Variants in MICAL3 observed in about 807,000 individuals in gnomAD.
The protein encoded by MICAL3 is [F-actin]-monooxygenase MICAL3.
Under a neutral mutation model 207.4 loss-of-function variants are expected in MICAL3, and 62 were observed. The ratio of observed to expected loss-of-function variants is 0.30; its 90% CI spans 0.24 to 0.37. MICAL3 has a LOEUF of 0.37. Among genes scored for constraint, MICAL3 ranks in the 10% least tolerant of loss-of-function variants. MICAL3 has a pLI of 1.00. For missense variants in MICAL3, 2,368 were observed against 2,635.6 expected, an observed-to-expected ratio of 0.90 and a Z score of 2.22; for synonymous variants, 1,077 against 1,069.3, an observed-to-expected ratio of 1.01 and a Z score of -0.14.
chr22:17,791,450 A>G (rs542466236), intron 29 of MICAL3, 149 bp from the exon 30 acceptor site: 4 of 699,200 alleles, frequency 5.7e-6, no homozygotes, highest in Non-Finnish European at 9.9e-6. Context: ...GCCTGCAGCC[A>G]TGGGGCCCTG....
At chr22:17,980,812 C>G in intron 1 of MICAL3, 5 of 497,630 alleles carry the variant, frequency 1.0e-5, no homozygotes, top group Admixed American at 9.8e-5. Flanking sequence ...TCCTCTGCCT[C>G]AGCCTCGCCC....
rs780325465 is a variant in MICAL3 at position 17,904,792 on chromosome 22, G to T, written c.312C>A (p.Asp104Glu). ...AGPCGLRTAI[D>E]LSLLGAKVVV... ...CCACCTTGGCCCCCAGTAAGGATAA[G>T]TCGATGGCTGTACGGAGACCACAGG... The change falls in exon 3 of 32, where the codon GAC becomes GAA. Residue 104 changes from aspartate to glutamate, a missense_variant. Physicochemically the swap from Asp to Glu is conservative, Grantham distance 45. Around this residue, in one of 4 missense-constraint regions of MICAL3, gnomAD observed 400 missense variants for 547.0 expected, o/e 0.73. Coordinates refer to ENST00000441493, the MANE Select transcript of MICAL3 (RefSeq NM_015241.3). 6.2e-7 allele frequency: 1 copy of T among 1,614,014 alleles called. No homozygotes were observed.
At chr22:17,915,085 AAC>A (rs2090415165) in intron 1 of MICAL3, among the ~76,000 whole-genome samples, 1 of 146,346 alleles carries the variant, frequency 6.8e-6, no homozygotes, top group South Asian at 2.4e-4. Flanking sequence ...GATGTGGGAA[AAC>A]ACAACCAAAG....
At chr22:17,989,004 T>C (rs1465675447) in intron 1 of MICAL3, among the ~76,000 whole-genome samples, 9 of 152,112 alleles carry the variant, frequency 5.9e-5, no homozygotes, top group Non-Finnish European at 1.0e-4. Context: ...GAAACAAATT[T>C]GCTGACTCCT....
chr22:17,906,636 G>A lies in MICAL3; in HGVS notation c.177C>T (p.Tyr59=). The change falls in exon 2 of 32, where the codon TAC becomes TAT. Residue 59 remains tyrosine, a synonymous_variant. Coordinates refer to ENST00000441493, the MANE Select transcript of MICAL3 (RefSeq NM_015241.3). ...FYHKLKSKLN[Y]WKAKALWAKL... is the part of the protein sequence containing the mutation. Reference sequence around the variant, plus strand: ...TTGCCCAGAGGGCTTTGGCTTTCCAGTAGTTAAGCTTGGACTTGAGCTTGT... The same window carrying A: ...TTGCCCAGAGGGCTTTGGCTTTCCAATAGTTAAGCTTGGACTTGAGCTTGT... 6.2e-7 allele frequency: 1 copy of A among 1,613,998 alleles called. No individual in the cohort carries two copies. The highest frequency in any genetic ancestry group is 8.5e-7 in the Non-Finnish European group (1 of 1,179,878).
intron 16 of MICAL3, among the ~76,000 whole-genome samples, chr22:17,882,112 C>G (rs541577677): frequency 3.8e-4 from 58 of 152,302 alleles, no homozygotes; most frequent in Non-Finnish European, 6.0e-4. Context: ...GCTCAGAGCT[C>G]CCATGACAAT....
chr22:17,953,819 T>C (rs1475699465), intron 1 of MICAL3, among the ~76,000 whole-genome samples: 2 of 150,520 alleles, frequency 1.3e-5, no homozygotes, highest in Non-Finnish European at 3.0e-5. Flanking sequence ...TAATCCTAGC[T>C]ATTTGAGAGG....
chr22:17,998,646 C>T (rs1922590340), intron 1 of MICAL3, among the ~76,000 whole-genome samples: 1 of 151,686 alleles, frequency 6.6e-6, no homozygotes, highest in African/African-American at 2.4e-5. Context: ...ACCTCCACCT[C>T]CCAATTCCCG....
chr22:17,818,317 C>G lies in MICAL3; in HGVS notation c.4344G>C (p.Ser1448=). The change falls in exon 26 of 32, where the codon TCG becomes TCC. Residue 1448 remains serine (S), a synonymous_variant. Coordinates refer to ENST00000441493, the MANE Select transcript of MICAL3 (RefSeq NM_015241.3). ...KTLGSQSFNT[S]DSAMLTPPSS... is the part of the protein sequence containing the mutation. ...AGGGGGGCGTGAGCATGGCGGAGTCCGAGGTGTTGAAGCTCTGGCTGCCCA... is the reference window on the plus strand; with the variant it reads ...AGGGGGGCGTGAGCATGGCGGAGTCGGAGGTGTTGAAGCTCTGGCTGCCCA... 6.4e-7 allele frequency: 1 copy of G among 1,570,878 alleles called. No homozygotes were observed. Among genetic ancestry groups the G allele is most frequent in the Non-Finnish European group, 8.6e-7 (1 of 1,163,582 alleles).
At chr22:17,905,539 C>T (rs1341487179) in intron 2 of MICAL3, among the ~76,000 whole-genome samples, 6 of 152,176 alleles carry the variant, frequency 3.9e-5, no homozygotes, top group African/African-American at 1.4e-4. Context: ...CCAGTACTCA[C>T]TCATGAAAGT....
chr22:17,833,345 G>T (rs1485285388), intron 20 of MICAL3, among the ~76,000 whole-genome samples: 1 of 152,200 alleles, frequency 6.6e-6, no homozygotes, highest in Non-Finnish European at 1.5e-5. Flanking sequence ...CAGCTTTCAC[G>T]TTAAAGCCAT....
At chr22:18,000,592 C>T (rs1316248017) in intron 1 of MICAL3, among the ~76,000 whole-genome samples, 1 of 152,262 alleles carries the variant, frequency 6.6e-6, no homozygotes. Context: ...CTAGGCCAGG[C>T]AAGCCCGGTT....
Position 17,818,904 on chromosome 22 carries a change from G to T in MICAL3, c.3757C>A (p.Pro1253Thr). ...CAGATGGGGAGTGGGCTGGGTGGGG[G>T]CGTGGAGGCCGCCACGGGTGGCTGG... ...QPQPPVAAST[P>T]PPSPLPICSQ... The change falls in exon 26 of 32, where the codon CCC becomes ACC. Residue 1253 changes from proline (P) to threonine (T), a missense_variant. Coordinates refer to ENST00000441493, the MANE Select transcript of MICAL3 (RefSeq NM_015241.3). The T allele has an allele frequency of 1.9e-6, 3 of 1,564,790 alleles. No homozygotes were observed. The highest frequency in any genetic ancestry group is 2.6e-6 in the Non-Finnish European group (3 of 1,155,072).
intron 29 of MICAL3, among the ~76,000 whole-genome samples, chr22:17,807,891 G>C (rs1324612670): frequency 6.6e-6 from 1 of 152,236 alleles, no homozygotes; most frequent in Non-Finnish European, 1.5e-5. Flanking sequence ...GGAAGTAAGA[G>C]GATACTCCTT....
intron 1 of MICAL3, among the ~76,000 whole-genome samples, chr22:17,994,638 G>T (rs1430969980): frequency 6.6e-6 from 1 of 152,028 alleles, no homozygotes; most frequent in African/African-American, 2.4e-5. Flanking sequence ...GCCTGGCCCA[G>T]GAGGTCAAGG....
chr22:17,990,520 G>T (rs1043083175), intron 1 of MICAL3, among the ~76,000 whole-genome samples: 1 of 152,140 alleles, frequency 6.6e-6, no homozygotes, highest in Non-Finnish European at 1.5e-5. Context: ...GGACTGTTAC[G>T]CCCTTCATTG....
intron 22 of MICAL3, 90 bp from the exon 23 acceptor site, chr22:17,823,150 C>G (rs1921825495): frequency 1.2e-6 from 1 of 854,204 alleles, no homozygotes; most frequent in Non-Finnish European, 1.9e-6. Flanking sequence ...CTGCCTTTCT[C>G]AGGGCGCTGC....
At chr22:17,827,462 T>G (rs1274158022) in intron 22 of MICAL3, among the ~76,000 whole-genome samples, 182 bp downstream of exon 22, 1 of 152,110 alleles carries the variant, frequency 6.6e-6, no homozygotes, top group Non-Finnish European at 1.5e-5. Flanking sequence ...ACAGAGAACT[T>G]CACATATCCT....
At position 17,902,520 on chromosome 22, in the gene MICAL3, T is replaced by C. The variant is rs931468196; in HGVS notation, c.589+111A>G. 1 of 624,102 alleles carries C rather than the reference T, an allele frequency of 1.6e-6. No homozygotes were observed. Among genetic ancestry groups the C allele is most frequent in the Non-Finnish European group, 2.8e-6 (1 of 354,758 alleles). The allele number at this position is 624,102 out of a possible 1,614,324, so 38.7% of individuals were successfully genotyped here. A position where few individuals can be genotyped will look rare whatever the true frequency, so the allele number is the denominator to read the frequency against. Reference sequence around the variant, plus strand: ...GCCAAGTCCCCAAAGGCACAGGCTTTGGCTAGCTCTGGAAGCAGCCCTCAG... The same window carrying C: ...GCCAAGTCCCCAAAGGCACAGGCTTCGGCTAGCTCTGGAAGCAGCCCTCAG... On this transcript the variant is annotated intron_variant, in intron 4 of 31. Transcript: ENST00000441493. The surrounding 1 kb of genome is among the most constrained non-coding windows in gnomAD (Gnocchi z 4.5).
Sources: allele counts gnomAD v4.1 joint callset (sites outside exome capture counted in the v4.1 genomes callset), GRCh38; gene constraint gnomAD v4.1.1; regional missense constraint gnomAD v4.1.1; non-coding constraint Gnocchi (gnomAD v3.1); transcripts MANE v1.5; gene names NCBI Gene and HGNC (gene_info 2026-07-23, HGNC 2026-07-21).